SYTL4: variants seen among roughly 807,000 people sequenced by gnomAD.
SYTL4 encodes the protein synaptotagmin-like protein 4.
Under a neutral mutation model 52.7 loss-of-function variants are expected in SYTL4, and 16 were observed. That is an observed-to-expected ratio of 0.30 (90% CI 0.21 to 0.46). SYTL4 has a LOEUF of 0.46. Among genes scored for constraint, SYTL4 ranks in the 20% least tolerant of loss-of-function variants. The probability of loss-of-function intolerance (pLI) is 1.00; values close to 1 mark genes in which losing one functional copy is unlikely to be tolerated. For synonymous variants in SYTL4, 160 were observed against 186.6 expected (o/e 0.86, Z 1.16); for missense variants, 423 against 519.9 (o/e 0.81, Z 1.81).
At position 100,723,903 on chromosome X, in the gene SYTL4, T is replaced by C. The variant is rs778072941; in HGVS notation, c.-240+7515A>G. On this transcript the variant is annotated intron_variant, in intron 2 of 19. Transcript: ENST00000372989. ...TCAGCCCCCGCCAGGCCAGCCACCC[T>C]GTCCGGGAGGGAGGTGGGGGGTCAG... Among the ~76,000 whole-genome samples, 120 of 91,271 alleles carry C rather than the reference T, an allele frequency of 1.3e-3. 1 individual carries two copies. The highest frequency in any genetic ancestry group is 5.0e-3 in the African/African-American group (113 of 22,516). The allele number at this position is 91,271 out of a possible 115,157, so 79.3% of individuals were successfully genotyped here.
intron 4 of SYTL4, among the ~76,000 whole-genome samples, chrX:100,702,689 A>T (rs1008679718): frequency 8.9e-6 from 1 of 112,343 alleles, no homozygotes. Flanking sequence ...AAATTCATGA[A>T]CACTTGTTGA....
intron 2 of SYTL4, among the ~76,000 whole-genome samples, chrX:100,714,419 C>T (rs1185565245): frequency 9.1e-6 from 1 of 110,261 alleles, no homozygotes; most frequent in Admixed American, 9.7e-5. Flanking sequence ...GCCACCACAC[C>T]CGGCTAATTT....
chrX:100,694,718 C>G (rs1010579956), intron 8 of SYTL4, among the ~76,000 whole-genome samples: 1 of 111,943 alleles, frequency 8.9e-6, no homozygotes, highest in Non-Finnish European at 1.9e-5. Context: ...GGGTCTAAAA[C>G]AATGCCTGGC....
chrX:100,719,069 T>C (rs1364781802), intron 2 of SYTL4, among the ~76,000 whole-genome samples: 1 of 111,622 alleles, frequency 9.0e-6, no homozygotes, highest in Non-Finnish European at 1.9e-5. Context: ...GTGCTGGGAT[T>C]ACAGGCATTA....
chrX:100,681,920 T>A (rs1201610053), intron 16 of SYTL4, among the ~76,000 whole-genome samples: 1 of 112,505 alleles, frequency 8.9e-6, no homozygotes, highest in Non-Finnish European at 1.9e-5. Context: ...TAGTTGTACA[T>A]GTGAATATAA....
chrX:100,714,953 G>C (rs888707789), intron 2 of SYTL4, among the ~76,000 whole-genome samples: 8 of 111,948 alleles, frequency 7.1e-5, no homozygotes, highest in African/African-American at 2.6e-4. Flanking sequence ...AAAGGTTATT[G>C]TACCATTAAT....
chrX:100,680,940 C>T (rs1350868515), intron 17 of SYTL4, among the ~76,000 whole-genome samples: 1 of 111,768 alleles, frequency 8.9e-6, no homozygotes, highest in Admixed American at 9.5e-5. Flanking sequence ...CCACCCTTCT[C>T]AGCCCCAAAG....
chrX:100,694,736 A>G (rs5967168), intron 8 of SYTL4, among the ~76,000 whole-genome samples: 1,356 of 112,041 alleles, frequency 0.012, 18 homozygotes, highest in African/African-American at 0.041. Flanking sequence ...GGCACATAGT[A>G]GGCATTCATA....
chrX:100,722,183 T>C (rs2084355397), intron 2 of SYTL4, among the ~76,000 whole-genome samples: 1 of 111,223 alleles, frequency 9.0e-6, no homozygotes, highest in East Asian at 2.8e-4. Context: ...TAAAAAACCA[T>C]AGCTCTTCTA....
At chrX:100,711,128 A>G (rs921187918) in intron 2 of SYTL4, among the ~76,000 whole-genome samples, 9 of 111,894 alleles carry the variant, frequency 8.0e-5, no homozygotes, top group Non-Finnish European at 1.5e-4. Context: ...CAGATTATGC[A>G]CTGCTCTGGT....
intron 16 of SYTL4, 151 bp downstream of exon 16, chrX:100,685,828 CAAATGCCTCTG>C: frequency 2.0e-6 from 1 of 500,483 alleles, no homozygotes; most frequent in Non-Finnish European, 3.1e-6. Flanking sequence ...ACTTGATAGA[CAAATGCCTCTG>C]AAATTGCTGT....
At chrX:100,731,742 C>T (rs1206579708) in intron 1 of SYTL4, among the ~76,000 whole-genome samples, 1 of 111,813 alleles carries the variant, frequency 8.9e-6, no homozygotes, top group African/African-American at 3.2e-5. Flanking sequence ...CCAGAAGAAG[C>T]CCTGGAGAAA....
intron 7 of SYTL4, 33 bp from the exon 8 acceptor site, chrX:100,701,032 G>C (rs779321626): frequency 4.5e-6 from 5 of 1,104,482 alleles, no homozygotes; most frequent in Non-Finnish European, 6.2e-6. Context: ...CCAGGGTGGT[G>C]GTTATGAGTA....
chrX:100,701,453 C>T lies in SYTL4; in HGVS notation c.326+5G>A. ...CCTCTCTACTCAGCCATAGGTGACA[C>T]TCACATTTCCTTGGCGCACACCTTG... On this transcript the variant is annotated splice_donor_5th_base_variant and intron_variant, in intron 6 of 19. Transcript: ENST00000372989. 1.7e-6 allele frequency: 2 copies of T among 1,210,066 alleles called. No individual in the cohort carries two copies. Among genetic ancestry groups the T allele is most frequent in the Non-Finnish European group, 2.2e-6 (2 of 893,644 alleles).
chrX:100,694,157 T>C (rs753997719), intron 8 of SYTL4, among the ~76,000 whole-genome samples: 23 of 112,201 alleles, frequency 2.0e-4, no homozygotes, highest in Admixed American at 2.0e-3. Flanking sequence ...ACTTTAAAAT[T>C]GATTAAAATG....
intron 15 of SYTL4, 200 bp downstream of exon 15, chrX:100,686,479 C>T: frequency 2.5e-6 from 1 of 400,578 alleles, no homozygotes; most frequent in Non-Finnish European, 4.3e-6. Flanking sequence ...GAATCTCAAA[C>T]TTCACATCAA....
At chrX:100,686,866 A>T in intron 14 of SYTL4, 85 bp from the exon 15 acceptor site, 1 of 879,302 alleles carries the variant, frequency 1.1e-6, no homozygotes, top group Non-Finnish European at 1.6e-6. Flanking sequence ...TAGATATGCC[A>T]TGGTGACATG....
chrX:100,721,330 A>G (rs996790587), intron 2 of SYTL4, among the ~76,000 whole-genome samples: 1 of 111,411 alleles, frequency 9.0e-6, no homozygotes, highest in Admixed American at 9.6e-5. Context: ...TGGTATTATC[A>G]TTAGTTACAA....
At chrX:100,712,870 C>T (rs1339741421) in intron 2 of SYTL4, among the ~76,000 whole-genome samples, 1 of 111,564 alleles carries the variant, frequency 9.0e-6, no homozygotes, top group East Asian at 2.8e-4. Flanking sequence ...ATACAAATAG[C>T]AAATAAACAC....
Sources: allele counts gnomAD v4.1 joint callset (sites outside exome capture counted in the v4.1 genomes callset), GRCh38; gene constraint gnomAD v4.1.1; transcripts MANE v1.5; gene names NCBI Gene and HGNC (gene_info 2026-07-23, HGNC 2026-07-21).